Variants in TMPRSS9 observed in about 807,000 individuals in gnomAD.
The protein encoded by TMPRSS9 is transmembrane serine protease 9.
In TMPRSS9, 113 loss-of-function variants were observed where a neutral mutation model predicts 111.4. The observed-to-expected ratio is 1.01, with a 90% CI of 0.87 to 1.19. TMPRSS9 has a LOEUF of 1.19. TMPRSS9 is among the 50% of genes most tolerant of loss of function. The pLI is 0.00. For missense variants in TMPRSS9, 1,803 were observed against 1,513.1 expected (o/e 1.19, Z -3.18); for synonymous variants, 805 against 659.1 (o/e 1.22, Z -3.39).
chr19:2,412,982 T>C (rs559611017), intron 9 of TMPRSS9, among the ~76,000 whole-genome samples: 1 of 152,114 alleles, frequency 6.6e-6, no homozygotes, highest in South Asian at 2.1e-4. Flanking sequence ...TCACTTAAGG[T>C]CAGGAGTTCA....
chr19:2,366,050 C>A (rs1010096963), intron 1 of TMPRSS9, among the ~76,000 whole-genome samples: 3 of 151,982 alleles, frequency 2.0e-5, no homozygotes, highest in African/African-American at 7.3e-5. Context: ...CTGAGGTGAA[C>A]CTTTGGGTTT....
At chr19:2,405,213 A>T (rs1484540974) in intron 6 of TMPRSS9, among the ~76,000 whole-genome samples, 161 bp from the exon 8 acceptor site, 2 of 151,974 alleles carry the variant, frequency 1.3e-5, no homozygotes, top group Non-Finnish European at 2.9e-5. Flanking sequence ...AGAGGAAGGG[A>T]TGGGGAGACC....
At chr19:2,401,857 C>T in intron 4 of TMPRSS9, 118 bp from the exon 6 acceptor site, 2 of 642,758 alleles carry the variant, frequency 3.1e-6, no homozygotes, top group South Asian at 3.9e-5. Context: ...ATCCACCCGC[C>T]TCAGCCTCCC....
chr19:2,383,351 CA>C (rs529968946), intron 1 of TMPRSS9, among the ~76,000 whole-genome samples: 386 of 137,634 alleles, frequency 2.8e-3, no homozygotes, highest in Non-Finnish European at 2.9e-3. Flanking sequence ...TAGATTCCGT[CA>C]AAAAAAAAAA....
chr19:2,416,860 G>T (rs1483058836), intron 12 of TMPRSS9, 51 bp downstream of exon 13: 1 of 1,549,762 alleles, frequency 6.5e-7, no homozygotes, highest in Admixed American at 1.8e-5. Flanking sequence ...CCAGGGCCTG[G>T]CCTGGGGAGG....
At chr19:2,425,855 G>A (rs914693387) in intron 17 of TMPRSS9, 72 bp from the exon 19 acceptor site, 5 of 1,506,194 alleles carry the variant, frequency 3.3e-6, no homozygotes, top group Non-Finnish European at 4.4e-6. Context: ...CACTCCTAGA[G>A]GGGCCAATGA....
intron 1 of TMPRSS9, among the ~76,000 whole-genome samples, chr19:2,377,243 CTGT>C (rs1970343058): frequency 7.4e-6 from 1 of 135,102 alleles, no homozygotes; most frequent in Non-Finnish European, 1.6e-5. Context: ...TCTTTTTTTA[CTGT>C]ATGTATGTAT....
intron 1 of TMPRSS9, among the ~76,000 whole-genome samples, chr19:2,368,591 C>T (rs774185919): frequency 2.8e-4 from 42 of 151,988 alleles, no homozygotes; most frequent in Non-Finnish European, 4.9e-4. Flanking sequence ...TGAGGCTTCC[C>T]GTTGAGAATA....
At chr19:2,395,415 A>G (rs1277054422) in intron 1 of TMPRSS9, among the ~76,000 whole-genome samples, 1 of 151,992 alleles carries the variant, frequency 6.6e-6, no homozygotes, top group East Asian at 1.9e-4. Context: ...CCTGGGTGAC[A>G]GAGTGAGACC....
chr19:2,411,057 T>G (rs866861148), intron 9 of TMPRSS9, among the ~76,000 whole-genome samples: 6 of 152,024 alleles, frequency 3.9e-5, no homozygotes, highest in Middle Eastern at 3.4e-3. Context: ...CCCAGCACTA[T>G]GCGAGGCCAA....
intron 1 of TMPRSS9, among the ~76,000 whole-genome samples, chr19:2,363,460 T>C (rs781687881): frequency 2.0e-5 from 3 of 151,108 alleles, no homozygotes; most frequent in Non-Finnish European, 4.4e-5. Context: ...AAGGCGTCCC[T>C]TCTCTGATGG....
chr19:2,385,159 A>G (rs372708435), upstream of TMPRSS9, among the ~76,000 whole-genome samples: 5,296 of 29,338 alleles, frequency 0.18, 390 homozygotes, highest in African/African-American at 0.41. Flanking sequence ...GAGCTCGCGG[A>G]GGGCGGGGCT....
intron 2 of TMPRSS9, among the ~76,000 whole-genome samples, chr19:2,398,419 C>T (rs1330548168): frequency 6.6e-6 from 1 of 151,844 alleles, no homozygotes; most frequent in Non-Finnish European, 1.5e-5. Flanking sequence ...GAGTTCGAGA[C>T]CAGCCTGGCC....
At chr19:2,379,616 T>TC (rs961602277) in intron 1 of TMPRSS9, among the ~76,000 whole-genome samples, 1 of 9,418 alleles carries the variant, frequency 1.1e-4, no homozygotes, top group Non-Finnish European at 2.6e-4. Context: ...ACTTTCTTTC[T>TC]CTTTCTTTCT....
At chr19:2,394,785 C>CG (rs1970673130) in intron 1 of TMPRSS9, among the ~76,000 whole-genome samples, 1 of 128,186 alleles carries the variant, frequency 7.8e-6, no homozygotes, top group East Asian at 3.3e-4. Flanking sequence ...TAATTACGGC[C>CG]ATTTTTTTTG....
chr19:2,408,340 G>A lies in TMPRSS9; in HGVS notation c.843-16G>A. 1.2e-6 allele frequency: 2 copies of A among 1,607,802 alleles called. No individual in the cohort carries two copies. The highest frequency in any genetic ancestry group is 1.7e-6 in the Non-Finnish European group (2 of 1,175,316). On this transcript the variant is annotated splice_polypyrimidine_tract_variant and intron_variant, in intron 7 of 17. Coordinates refer to ENST00000648592, the Ensembl canonical transcript of TMPRSS9. ...CTGACCCTCGGTGGCTTCTGAGCTG[G>A]GGTTTGCTCCTGCAGGTTCCAAGAC...
chr19:2,382,368 G>A (rs899444305), intron 1 of TMPRSS9, among the ~76,000 whole-genome samples: 2 of 152,064 alleles, frequency 1.3e-5, no homozygotes, highest in Admixed American at 6.6e-5. Flanking sequence ...CTGACATCAG[G>A]CGATCCTCCC....
intron 1 of TMPRSS9, among the ~76,000 whole-genome samples, chr19:2,382,665 G>GCACACGTGCACACATA (rs1970399275): frequency 7.5e-6 from 1 of 132,452 alleles, no homozygotes; most frequent in Admixed American, 8.6e-5. Context: ...ATACACACAT[G>GCACACGTGCACACATA]CACACGTGCA....
chr19:2,417,940 CG>C (rs1971288611), intron 12 of TMPRSS9, 61 bp from the exon 14 acceptor site: 1 of 1,598,586 alleles, frequency 6.3e-7, no homozygotes, highest in Non-Finnish European at 8.5e-7. Flanking sequence ...GTTATCGGAG[CG>C]GAACTGGAGC....
Sources: gnomAD v4.1 joint callset for allele counts (sites outside exome capture counted in the v4.1 genomes callset) on GRCh38, gnomAD v4.1.1 for gene constraint, MANE v1.5 for transcripts, NCBI Gene and HGNC (gene_info 2026-07-23, HGNC 2026-07-21) for gene names.